The following ZNF429 variants were observed in gnomAD, a reference collection of about 807,000 sequenced individuals.
ZNF429 encodes the protein zinc finger protein 429.
ZNF429 carries 53 observed loss-of-function variants against 56.8 expected under a neutral mutation model. The ratio of observed to expected loss-of-function variants is 0.93; its 90% CI spans 0.75 to 1.17. The LOEUF (loss-of-function observed/expected upper bound fraction) is 1.17. Among genes scored for constraint, ZNF429 ranks in the 50% most tolerant of loss-of-function variants. ZNF429 has a pLI of 0.00. For synonymous variants in ZNF429, 278 were observed against 264.7 expected, an observed-to-expected ratio of 1.05 and a Z score of -0.49; for missense variants, 849 against 788.4, an observed-to-expected ratio of 1.08 and a Z score of -0.92.
chr19:21,529,702 G>C lies in ZNF429; in HGVS notation c.48G>C (p.Glu16Asp). ...ATGTGGCCATAGAATTCTCTCTGGA[G>C]GAGTGGCAGTGCCTGGACACAGCAC... ...FTDVAIEFSLEEWQCLDTAQQ... is the reference protein window; with the variant it reads ...FTDVAIEFSLDEWQCLDTAQQ... Residue 16 changes from glutamate (E) to aspartate (D), a missense_variant, in exon 2 of 4, where the codon GAG becomes GAC. Physicochemically the swap from Glu to Asp is conservative, Grantham distance 45. Transcript: ENST00000358491. The C allele has an allele frequency of 6.2e-7, 1 of 1,601,050 alleles. No individual in the cohort carries two copies. Among genetic ancestry groups the C allele is most frequent in the South Asian group, 1.1e-5 (1 of 90,040 alleles).
chr19:21,531,240 G>A, intron 3 of ZNF429, among the ~76,000 whole-genome samples: 2,413 of 151,530 alleles, frequency 0.016, 72 homozygotes, highest in African/African-American at 0.055. Flanking sequence ...AAAACCCCTT[G>A]TAACAAGCCA....
At chr19:21,530,138 C>A in intron 2 of ZNF429, among the ~76,000 whole-genome samples, 1 of 147,376 alleles carries the variant, frequency 6.8e-6, no homozygotes, top group Non-Finnish European at 1.5e-5. Context: ...TTGCAGTGAG[C>A]GGAGATAGCA....
chr19:21,513,270 C>T (rs1015152094), intron 1 of ZNF429, among the ~76,000 whole-genome samples: 2 of 152,290 alleles, frequency 1.3e-5, no homozygotes, highest in African/African-American at 4.8e-5. Context: ...GGATTATCCA[C>T]GTGCTTTTTA....
Position 21,537,027 on chromosome 19 carries a change from C to T in ZNF429, c.974C>T (p.Ser325Phe). The T allele has an allele frequency of 6.2e-7, 1 of 1,613,366 alleles. No homozygotes were observed. The highest frequency in any genetic ancestry group is 1.1e-5 in the South Asian group (1 of 91,018). The change falls in exon 4 of 4, where the codon TCC becomes TTC. Residue 325 changes from serine to phenylalanine, a missense_variant. By Grantham distance (155) the Ser-to-Phe change is radical. Coordinates refer to ENST00000358491, the MANE Select transcript of ZNF429 (RefSeq NM_001001415.4). ...CKECGKAFNR[S>F]STLTSHKRIH... Reference sequence around the variant, plus strand: ...GAATGTGGCAAAGCCTTTAACCGGTCCTCAACCCTTACTAGCCATAAGAGA... The same window carrying T: ...GAATGTGGCAAAGCCTTTAACCGGTTCTCAACCCTTACTAGCCATAAGAGA...
intron 2 of ZNF429, among the ~76,000 whole-genome samples, chr19:21,530,350 G>GC: frequency 6.6e-6 from 1 of 151,952 alleles, no homozygotes; most frequent in African/African-American, 2.4e-5. Flanking sequence ...AAATATTGTT[G>GC]CCCACACCTT....
chr19:21,511,858 C>G (rs949903700), intron 1 of ZNF429, among the ~76,000 whole-genome samples: 31 of 152,254 alleles, frequency 2.0e-4, no homozygotes, highest in African/African-American at 5.1e-4. Flanking sequence ...GCGGATCACT[C>G]ACGGTTAGGA....
intron 3 of ZNF429, among the ~76,000 whole-genome samples, chr19:21,531,106 C>CAAAAAAAAAA: frequency 1.7e-4 from 3 of 17,538 alleles, no homozygotes; most frequent in East Asian, 1.5e-3. Context: ...AACTCCATCT[C>CAAAAAAAAAA]AAAAAAAAAA....
rs191177521 is a variant in ZNF429 at position 21,505,768 on chromosome 19, A to G, written c.-4A>G. On this transcript the variant is annotated 5_prime_UTR_variant, in exon 1 of 4. Coordinates refer to ENST00000358491, the MANE Select transcript of ZNF429 (RefSeq NM_001001415.4). ...AGACTCCAGGACCCCCTGGAAGCCT[A>G]GAAATGGTGAGAGTGCCGAGTCTGA... The G allele has an allele frequency of 4.2e-4, 673 of 1,611,140 alleles. 7 individuals are homozygous for G. In the African/African-American group the frequency reaches 8.2e-3, roughly 20 times the overall value.
At chr19:21,515,854 C>T (rs11878313) in intron 1 of ZNF429, among the ~76,000 whole-genome samples, 3 of 151,966 alleles carry the variant, frequency 2.0e-5, no homozygotes, top group African/African-American at 4.8e-5. Flanking sequence ...ATTCTTCTTA[C>T]GTTCCTCTTG....
intron 1 of ZNF429, among the ~76,000 whole-genome samples, chr19:21,508,834 G>A (rs1439978564): frequency 6.6e-6 from 1 of 152,196 alleles, no homozygotes; most frequent in African/African-American, 2.4e-5. Context: ...AGAAGAAAAT[G>A]TTGTAGATAA....
At chr19:21,522,020 G>A (rs1448326114) in intron 1 of ZNF429, 1 of 152,366 alleles carries the variant, frequency 6.6e-6, no homozygotes, top group Non-Finnish European at 1.5e-5. Context: ...GATGGTAGGA[G>A]TCGAGAGGAC....
At position 21,505,911 on chromosome 19, in the gene ZNF429, T is replaced by C. The variant is rs1015856134; in HGVS notation, c.3+137T>C. 8 of 882,372 alleles carry C rather than the reference T, an allele frequency of 9.1e-6. No homozygotes were observed. The African/African-American group carries it at 1.4e-4, about 15-fold the overall frequency. The allele number at this position is 882,372 out of a possible 1,614,324, so 54.7% of individuals were successfully genotyped here. ...CGGAATTCTCCTTGCCCAGCTCGGC[T>C]TCAGTCCCCTTCAGCCATAAGATGG... On this transcript the variant is annotated intron_variant, in intron 1 of 3. Transcript: ENST00000358491.
Position 21,536,348 on chromosome 19 carries a change from A to G in ZNF429, c.295A>G (p.Thr99Ala). 6.2e-7 allele frequency: 1 copy of G among 1,613,002 alleles called. No individual in the cohort carries two copies. The change falls in exon 4 of 4, where the codon ACA (threonine) becomes GCA (alanine). Residue 99 changes from threonine to alanine, a missense_variant. Coordinates refer to ENST00000358491, the MANE Select transcript of ZNF429 (RefSeq NM_001001415.4). ...CATAAAAGATTCTTTCCAAAAAGTG[A>G]CACTGAGGAGATATGATAAACGTGG... ...QDIKDSFQKV[T>A]LRRYDKRGHE...
chr19:21,535,332 T>TCTTTCTTTCTTTCTTTCTTTCTC, intron 3 of ZNF429, among the ~76,000 whole-genome samples: 63 of 93,474 alleles, frequency 6.7e-4, no homozygotes, highest in Middle Eastern at 5.7e-3. Context: ...TCTTTCTCTT[T>TCTTTCTTTCTTTCTTTCTTTCTC]TCTTTTCTTT....
In ZNF429 at chr19:21,521,125, G is replaced by A. The variant is rs541521659; in HGVS notation, c.4-8533G>A. On this transcript the variant is annotated intron_variant, in intron 1 of 3. Coordinates refer to ENST00000358491, the MANE Select transcript of ZNF429 (RefSeq NM_001001415.4). Reference sequence around the variant, plus strand: ...AACTCACTACAAAATTGTTACAGTAGATATTAGTCTGAAATGCTCATTAGT... The same window carrying A: ...AACTCACTACAAAATTGTTACAGTAAATATTAGTCTGAAATGCTCATTAGT... 8.5e-5 allele frequency among the ~76,000 whole-genome samples: 13 copies of A among 152,268 alleles called. No individual in the cohort carries two copies. In the East Asian group the frequency reaches 1.5e-3, roughly 18 times the overall value.
intron 3 of ZNF429, among the ~76,000 whole-genome samples, chr19:21,535,414 TTCTTTCTTTCTTTCTTTCTTTC>T: frequency 2.2e-3 from 4 of 1,830 alleles, no homozygotes; most frequent in Admixed American, 0.014. Flanking sequence ...TCTTTTTCTT[TTCTTTCTTTCTTTCTTTCTTTC>T]TTTCTTTCTT....
intron 3 of ZNF429, among the ~76,000 whole-genome samples, chr19:21,535,122 C>T: frequency 4.6e-5 from 7 of 150,808 alleles, no homozygotes; most frequent in South Asian, 2.1e-4. Context: ...CCACCGCGCC[C>T]GGCCTTGTTT....
Position 21,535,452 on chromosome 19 carries a change from C to CTT in ZNF429, c.227-826_227-825dup. ...TCTTTCTTTCTTTCTTTCTTTCTTT[C>CTT]TTTCTTTCTTTCTTTCTTTCTTTCT... On this transcript the variant is annotated intron_variant, in intron 3 of 3. Coordinates refer to ENST00000358491, the MANE Select transcript of ZNF429 (RefSeq NM_001001415.4). Among the ~76,000 whole-genome samples, 4 of 53,808 alleles carry CTT rather than the reference C, an allele frequency of 7.4e-5. 1 individual carries two copies. Among genetic ancestry groups the CTT allele is most frequent in the African/African-American group, 3.5e-4 (4 of 11,380 alleles). The allele number at this position is 53,808 out of a possible 152,430, so 35.3% of individuals were successfully genotyped here. A position where few individuals can be genotyped will look rare whatever the true frequency, so the allele number is the denominator to read the frequency against.
chr19:21,510,894 G>A lies in ZNF429; in HGVS notation c.3+5120G>A, dbSNP rs1053510915. ...ATATGTTTCAGAGAGCACAGGGTTG[G>A]GGGTAAGGTCATAGATCAACAGGAT... On this transcript the variant is annotated intron_variant, in intron 1 of 3. Transcript: ENST00000358491. Among the ~76,000 whole-genome samples the A allele has an allele frequency of 4.7e-4, 71 of 152,140 alleles. 1 individual carries two copies. The highest frequency in any genetic ancestry group is 1.5e-3 in the African/African-American group (64 of 41,498).
Sources: gnomAD v4.1 joint callset for allele counts (sites outside exome capture counted in the v4.1 genomes callset) on GRCh38, gnomAD v4.1.1 for gene constraint, MANE v1.5 for transcripts, NCBI Gene and HGNC (gene_info 2026-07-23, HGNC 2026-07-21) for gene names.